The following EPSTI1 variants were observed in gnomAD, a reference collection of about 807,000 sequenced individuals.
EPSTI1 encodes the protein epithelial stromal interaction 1.
A neutral mutation model predicts 49.9 loss-of-function variants in EPSTI1; 66 were observed. The observed-to-expected ratio is 1.32, with a 90% CI of 1.08 to 1.62. The LOEUF (loss-of-function observed/expected upper bound fraction) is 1.62. Ranked by LOEUF, EPSTI1 falls within the 40% of genes most tolerant of loss-of-function variation. The pLI is 0.00. For missense variants in EPSTI1, 394 were observed against 365.5 expected (o/e 1.08, Z -0.64); for synonymous variants, 137 against 130.7 (o/e 1.05, Z -0.33).
chr13:42,897,210 T>C (rs2037217503), intron 9 of EPSTI1, among the ~76,000 whole-genome samples: 2 of 152,176 alleles, frequency 1.3e-5, no homozygotes. Context: ...TCTAAGTCCA[T>C]GCATCTGCCC....
Position 42,888,334 on chromosome 13 carries a change from G to A in EPSTI1, c.*160C>T. Reference sequence around the variant, plus strand: ...GCTCCTCCAAACATGCATAAATGAGGACAAGGAGAAGCCAGTCACTCCTGA... The same window carrying A: ...GCTCCTCCAAACATGCATAAATGAGAACAAGGAGAAGCCAGTCACTCCTGA... On this transcript the variant is annotated 3_prime_UTR_variant, in exon 11 of 11. Transcript: ENST00000313624. 6.2e-7 allele frequency: 1 copy of A among 1,614,090 alleles called. No individual in the cohort carries two copies. Among genetic ancestry groups the A allele is most frequent in the Non-Finnish European group, 8.5e-7 (1 of 1,180,006 alleles).
At chr13:42,899,372 AT>A (rs1252852249) in intron 9 of EPSTI1, among the ~76,000 whole-genome samples, 1 of 152,196 alleles carries the variant, frequency 6.6e-6, no homozygotes, top group Non-Finnish European at 1.5e-5. Context: ...GAGAAAAAAC[AT>A]ATAATTCACA....
chr13:42,974,548 A>G (rs2039840738), intron 1 of EPSTI1, among the ~76,000 whole-genome samples: 1 of 151,586 alleles, frequency 6.6e-6, no homozygotes, highest in South Asian at 2.1e-4. Context: ...AGTTCCAGCT[A>G]CTTGGGAGGC....
At chr13:42,969,009 TCA>T (rs1256550775) in intron 3 of EPSTI1, 83 bp downstream of exon 3, 1 of 1,292,046 alleles carries the variant, frequency 7.7e-7, no homozygotes, top group African/African-American at 1.5e-5. Flanking sequence ...CAATGGACAT[TCA>T]CAGACAGACA....
chr13:42,914,904 G>A (rs942039158), intron 8 of EPSTI1, among the ~76,000 whole-genome samples: 1 of 152,312 alleles, frequency 6.6e-6, no homozygotes, highest in East Asian at 1.9e-4. Flanking sequence ...CTAGAAGAAG[G>A]AAGTGAATCA....
In EPSTI1 at chr13:42,980,008, C is replaced by CT. The variant is rs1174143698; in HGVS notation, c.189-9339dup. On this transcript the variant is annotated intron_variant, in intron 1 of 10. Coordinates refer to ENST00000313624, the MANE Select transcript of EPSTI1 (RefSeq NM_033255.5). ...CTATGAGCTCAGACAATTTCCTTGA[C>CT]TTTTTTTTTCTTTCTTTCATGACTG... 4.0e-5 allele frequency among the ~76,000 whole-genome samples: 6 copies of CT among 151,546 alleles called. No individual in the cohort carries two copies. In the East Asian group the frequency reaches 1.2e-3, roughly 29 times the overall value.
intron 1 of EPSTI1, among the ~76,000 whole-genome samples, chr13:42,978,626 T>C (rs2039927074): frequency 6.6e-6 from 1 of 152,182 alleles, no homozygotes; most frequent in Admixed American, 6.5e-5. Context: ...ATAACAAATA[T>C]TCTATTATAG....
intron 6 of EPSTI1, among the ~76,000 whole-genome samples, chr13:42,945,805 T>G (rs973193853): frequency 1.3e-5 from 2 of 152,164 alleles, no homozygotes; most frequent in African/African-American, 4.8e-5. Flanking sequence ...GGAGAATTGA[T>G]AGTGGGTAGA....
chr13:42,942,658 CTTTTTTTTTTTTTTTTTTTTTT>C (rs1161224574), intron 6 of EPSTI1, among the ~76,000 whole-genome samples: 1 of 64,626 alleles, frequency 1.5e-5, no homozygotes, highest in Admixed American at 2.2e-4. Context: ...CCTGTTGATT[CTTTTTTTTTTTTTTTTTTTTTT>C]TTTTTTTTTT....
chr13:42,932,012 G>A (rs2038392545), intron 6 of EPSTI1, among the ~76,000 whole-genome samples: 1 of 152,102 alleles, frequency 6.6e-6, no homozygotes, highest in Non-Finnish European at 1.5e-5. Context: ...TGCCCAGGCT[G>A]GACAGCAGCC....
chr13:42,904,416 C>T (rs576244056), intron 8 of EPSTI1, among the ~76,000 whole-genome samples: 4 of 152,126 alleles, frequency 2.6e-5, no homozygotes, highest in African/African-American at 4.8e-5. Context: ...ATTGTATTGA[C>T]GAAAATCAGA....
chr13:42,947,311 A>AAAG (rs1555264934), intron 6 of EPSTI1, among the ~76,000 whole-genome samples: 2 of 151,852 alleles, frequency 1.3e-5, no homozygotes, highest in African/African-American at 4.8e-5. Context: ...TCAAAAAAAA[A>AAAG]GTACTTAGTA....
intron 1 of EPSTI1, among the ~76,000 whole-genome samples, chr13:42,986,807 C>G (rs9594844): frequency 0.068 from 9,918 of 146,214 alleles, 1,108 homozygotes; most frequent in African/African-American, 0.24. Flanking sequence ...TGGGGAGAGG[C>G]GGGGGCTGGA....
chr13:42,901,601 T>A (rs2037354441), intron 8 of EPSTI1, among the ~76,000 whole-genome samples: 1 of 152,212 alleles, frequency 6.6e-6, no homozygotes, highest in Non-Finnish European at 1.5e-5. Context: ...AGGATCATTT[T>A]TTAGTCTACC....
chr13:42,964,754 GA>G (rs1392049521), intron 3 of EPSTI1, among the ~76,000 whole-genome samples: 1 of 152,140 alleles, frequency 6.6e-6, no homozygotes, highest in African/African-American at 2.4e-5. Flanking sequence ...ATGGATGTTA[GA>G]TTATTTACTT....
intron 1 of EPSTI1, among the ~76,000 whole-genome samples, chr13:42,978,050 G>A (rs2039913392): frequency 6.6e-6 from 1 of 152,102 alleles, no homozygotes; most frequent in African/African-American, 2.4e-5. Context: ...CTACTTGGGA[G>A]GCTGAGGCAG....
chr13:42,906,638 A>C (rs2037507782), intron 8 of EPSTI1, among the ~76,000 whole-genome samples: 1 of 152,184 alleles, frequency 6.6e-6, no homozygotes, highest in Non-Finnish European at 1.5e-5. Flanking sequence ...AGTTTAAAGA[A>C]GTCCTGGTTC....
intron 6 of EPSTI1, among the ~76,000 whole-genome samples, chr13:42,943,574 C>T (rs762973224): frequency 2.0e-5 from 3 of 152,172 alleles, no homozygotes; most frequent in Non-Finnish European, 4.4e-5. Flanking sequence ...GGCAGTCTAA[C>T]CCCCAGATCC....
intron 1 of EPSTI1, among the ~76,000 whole-genome samples, chr13:42,983,774 T>C (rs975722470): frequency 6.6e-6 from 1 of 152,090 alleles, no homozygotes; most frequent in Non-Finnish European, 1.5e-5. Flanking sequence ...ATCTTTAAGG[T>C]AGCAAATGGC....
Sources: gnomAD v4.1 joint callset for allele counts (sites outside exome capture counted in the v4.1 genomes callset) on GRCh38, gnomAD v4.1.1 for gene constraint, MANE v1.5 for transcripts, NCBI Gene and HGNC (gene_info 2026-07-23, HGNC 2026-07-21) for gene names.